The following ANXA6 variants were observed in gnomAD, a reference collection of about 807,000 sequenced individuals.
ANXA6 encodes 67 kDa calelectrin.
A neutral mutation model predicts 95.4 loss-of-function variants in ANXA6; 71 were observed. The ratio of observed to expected loss-of-function variants is 0.74; its 90% CI spans 0.61 to 0.91. The LOEUF (loss-of-function observed/expected upper bound fraction) is 0.91, where lower values mean the gene tolerates loss of function less well. Among genes scored for constraint, ANXA6 ranks in the 40% least tolerant of loss-of-function variants. ANXA6 has a pLI of 0.00. For synonymous variants in ANXA6, 289 were observed against 315.9 expected, an observed-to-expected ratio of 0.91 and a Z score of 0.90; for missense variants, 830 against 876.4, an observed-to-expected ratio of 0.95 and a Z score of 0.67.
chr5:151,155,004 C>T (rs1038955301), intron 1 of ANXA6: 2 of 151,940 alleles, frequency 1.3e-5, no homozygotes, highest in Non-Finnish European at 2.9e-5. Flanking sequence ...TAGCACCTCC[C>T]TCATAGGAGT....
intron 2 of ANXA6, among the ~76,000 whole-genome samples, chr5:151,142,101 T>C (rs1765854116): frequency 1.3e-5 from 2 of 152,198 alleles, no homozygotes; most frequent in African/African-American, 4.8e-5. Flanking sequence ...CACTTCTAAA[T>C]CCTTTTCTCT....
At chr5:151,120,317 G>T (rs1765127548) in intron 17 of ANXA6, among the ~76,000 whole-genome samples, 1 of 150,968 alleles carries the variant, frequency 6.6e-6, no homozygotes, top group South Asian at 2.1e-4. Context: ...TTGACTGATT[G>T]ATTGACTGAA....
intron 20 of ANXA6, among the ~76,000 whole-genome samples, chr5:151,112,355 C>T (rs1764873666): frequency 6.6e-6 from 1 of 152,082 alleles, no homozygotes; most frequent in Non-Finnish European, 1.5e-5. Flanking sequence ...ACTTAAGAAA[C>T]TGTCGAGACA....
intron 1 of ANXA6, 34 bp from the exon 2 acceptor site, chr5:151,147,960 C>T (rs1766012739): frequency 1.9e-6 from 3 of 1,566,478 alleles, no homozygotes; most frequent in African/African-American, 1.4e-5. Context: ...TGAGATTCCC[C>T]CCAACTCTAA....
chr5:151,141,631 G>A, intron 2 of ANXA6: 1 of 985,494 alleles, frequency 1.0e-6, no homozygotes, highest in Non-Finnish European at 1.2e-6. Context: ...ACCCCGGCCA[G>A]GCCTCTGGAT....
chr5:151,135,790 C>T (rs1256471946), intron 7 of ANXA6, among the ~76,000 whole-genome samples: 1 of 152,228 alleles, frequency 6.6e-6, no homozygotes, highest in African/African-American at 2.4e-5. Flanking sequence ...ACTTGTTTTG[C>T]TTTCTTTCTT....
intron 23 of ANXA6, among the ~76,000 whole-genome samples, chr5:151,106,802 C>A (rs1764705141): frequency 6.6e-6 from 1 of 152,148 alleles, no homozygotes; most frequent in Non-Finnish European, 1.5e-5. Flanking sequence ...CCTCTGTAAC[C>A]AACCCCACAA....
rs532719361 is a variant in ANXA6, at chr5:151,106,251, A to T, written c.1781-948T>A. On this transcript the variant is annotated intron_variant, in intron 23 of 25. Transcript: ENST00000354546. Reference sequence around the variant, plus strand: ...AGCCCTTCACAGCTGCTTGACTGCAAGGCTCCAGAGCCCACGCACAGGTGT... The same window carrying T: ...AGCCCTTCACAGCTGCTTGACTGCATGGCTCCAGAGCCCACGCACAGGTGT... Among the ~76,000 whole-genome samples, 123 of 152,242 alleles carry T rather than the reference A, an allele frequency of 8.1e-4. 1 individual carries two copies. Among genetic ancestry groups the T allele is most frequent in the Middle Eastern group, 3.4e-3 (1 of 294 alleles).
At chr5:151,116,542 G>C (rs551949953) in intron 20 of ANXA6, among the ~76,000 whole-genome samples, 95 of 152,362 alleles carry the variant, frequency 6.2e-4, no homozygotes, top group African/African-American at 2.2e-3. Context: ...AGGCAGAGCA[G>C]CCAAGAGACT....
chr5:151,117,035 TCA>T, intron 20 of ANXA6, 90 bp downstream of exon 20: 1 of 1,250,488 alleles, frequency 8.0e-7, no homozygotes, highest in East Asian at 2.7e-5. Context: ...GAGCCTTCAC[TCA>T]CAGACAGGGC....
At chr5:151,143,688 C>T (rs1479690121) in intron 2 of ANXA6, among the ~76,000 whole-genome samples, 1 of 152,152 alleles carries the variant, frequency 6.6e-6, no homozygotes, top group Non-Finnish European at 1.5e-5. Flanking sequence ...TCCGGGAGGG[C>T]AGGGACTGTG....
Position 151,119,326 on chromosome 5 carries a change from C to T in ANXA6, c.1412G>A (p.Arg471Gln), listed in dbSNP as rs746338868. 53 of 1,613,352 alleles carry T rather than the reference C, an allele frequency of 3.3e-5. No homozygotes were observed. The highest frequency in any genetic ancestry group is 2.2e-4 in the Admixed American group (13 of 60,004). Residue 471 changes from arginine (R) to glutamine (Q), a missense_variant, in exon 18 of 26, where the codon CGG (arginine) becomes CAG (glutamine). Physicochemically the swap from Arg to Gln is conservative, Grantham distance 43. Coordinates refer to ENST00000354546, the MANE Select transcript of ANXA6 (RefSeq NM_001155.5). Reference protein sequence around the residue: ...ILATRTNAEIRAINEAYKEDY... With the variant: ...ILATRTNAEIQAINEAYKEDY... The stretch of plus-strand genomic sequence containing the variant: ...CTCCTTATAGGCCTCATTGATGGCC[C>T]GGATTTCAGCATTGGTCCGAGTGGC...
intron 5 of ANXA6, among the ~76,000 whole-genome samples, chr5:151,138,472 T>C (rs372299162): frequency 6.6e-6 from 1 of 152,178 alleles, no homozygotes; most frequent in Admixed American, 6.5e-5. Flanking sequence ...AAGCTCCTGG[T>C]AAGGGGGTCT....
rs1182652488 is a variant in ANXA6 at position 151,119,380 on chromosome 5, G to A, written c.1358C>T (p.Thr453Ile). ...QLKKAMEGAG[T>I]DEKALIEILA... ...GATTTCAATAAGAGCCTTTTCATCT[G>A]TGCCGGCTCCCTGGAATGTCAAGGC... The change falls in exon 18 of 26, where the codon ACA becomes ATA. Residue 453 changes from threonine to isoleucine, a missense_variant. By Grantham distance (89) the Thr-to-Ile change is moderately conservative. Coordinates refer to ENST00000354546, the MANE Select transcript of ANXA6 (RefSeq NM_001155.5). The A allele has an allele frequency of 1.9e-6, 3 of 1,613,824 alleles. No homozygotes were observed. Among genetic ancestry groups the A allele is most frequent in the South Asian group, 1.1e-5 (1 of 91,078 alleles).
intron 1 of ANXA6, among the ~76,000 whole-genome samples, chr5:151,152,040 T>C (rs1487509609): frequency 6.6e-6 from 1 of 152,214 alleles, no homozygotes; most frequent in African/African-American, 2.4e-5. Flanking sequence ...AGTTCCAGGC[T>C]GACTCTAGAA....
chr5:151,104,858 T>C (rs1764651689), intron 24 of ANXA6, among the ~76,000 whole-genome samples: 1 of 152,258 alleles, frequency 6.6e-6, no homozygotes, highest in Non-Finnish European at 1.5e-5. Context: ...TACCCAGCCC[T>C]GTGTGCCTCC....
intron 23 of ANXA6, among the ~76,000 whole-genome samples, chr5:151,108,143 G>C (rs1179123692): frequency 6.6e-6 from 1 of 152,090 alleles, no homozygotes; most frequent in African/African-American, 2.4e-5. Flanking sequence ...TGTTAGGTGT[G>C]TGTGTCAAGT....
intron 23 of ANXA6, among the ~76,000 whole-genome samples, chr5:151,106,415 C>T (rs1021983543): frequency 3.3e-5 from 5 of 152,174 alleles, no homozygotes; most frequent in African/African-American, 4.8e-5. Context: ...GCAACAGGCT[C>T]AGGAACCCTG....
At chr5:151,106,801 C>G (rs1302121642) in intron 23 of ANXA6, among the ~76,000 whole-genome samples, 1 of 152,156 alleles carries the variant, frequency 6.6e-6, no homozygotes, top group Non-Finnish European at 1.5e-5. Context: ...TCCTCTGTAA[C>G]CAACCCCACA....
Sources: allele counts gnomAD v4.1 joint callset (sites outside exome capture counted in the v4.1 genomes callset), GRCh38; gene constraint gnomAD v4.1.1; transcripts MANE v1.5; gene names NCBI Gene and HGNC (gene_info 2026-07-23, HGNC 2026-07-21).